CLINT1: variants seen among roughly 807,000 people sequenced by gnomAD.
The protein encoded by CLINT1 is clathrin interactor 1.
Under a neutral mutation model 70.4 loss-of-function variants are expected in CLINT1, and 15 were observed. The observed-to-expected ratio is 0.21, with a 90% CI of 0.14 to 0.33. The LOEUF (loss-of-function observed/expected upper bound fraction) is 0.33, where lower values mean the gene tolerates loss of function less well. Among genes scored for constraint, CLINT1 ranks in the 10% least tolerant of loss-of-function variants. The pLI, the probability that CLINT1 is intolerant of heterozygous loss-of-function variation, is 1.00. For missense variants in CLINT1, 615 were observed against 778.1 expected, an observed-to-expected ratio of 0.79 and a Z score of 2.49; for synonymous variants, 227 against 254.7, an observed-to-expected ratio of 0.89 and a Z score of 1.04.
rs747594174 is a variant in CLINT1 at position 157,803,695 on chromosome 5, A to C, written c.967T>G (p.Ser323Ala). The change falls in exon 8 of 12, where the codon TCT becomes GCT. Residue 323 changes from serine to alanine, a missense_variant. This residue lies in a region of CLINT1 where 374 missense variants were observed against 409.6 expected (regional missense o/e 0.91). Coordinates refer to ENST00000411809, the MANE Select transcript of CLINT1 (RefSeq NM_014666.4). ...TCAAACAGATCAACAAGGTCACCAGATGACTTGCTGCTAGGCACTGAAGTC... is the reference window on the plus strand; with the variant it reads ...TCAAACAGATCAACAAGGTCACCAGCTGACTTGCTGCTAGGCACTGAAGTC... ...VKTSVPSSKSSGDLVDLFDGT... is the reference protein window; with the variant it reads ...VKTSVPSSKSAGDLVDLFDGT... 6 of 1,559,936 alleles carry C rather than the reference A, an allele frequency of 3.8e-6. No individual in the cohort carries two copies. Among genetic ancestry groups the C allele is most frequent in the Non-Finnish European group, 5.2e-6 (6 of 1,145,496 alleles).
intron 1 of CLINT1, among the ~76,000 whole-genome samples, chr5:157,841,992 A>G (rs181138323): frequency 1.3e-4 from 20 of 152,338 alleles, no homozygotes; most frequent in Middle Eastern, 3.4e-3. Context: ...GAACTAGCCA[A>G]TAAGTAGCTC....
Position 157,816,737 on chromosome 5 carries a change from A to G in CLINT1, c.240T>C (p.Tyr80=). The G allele has an allele frequency of 1.2e-6, 2 of 1,605,610 alleles. No individual in the cohort carries two copies. The highest frequency in any genetic ancestry group is 1.7e-6 in the Non-Finnish European group (2 of 1,175,310). ...TAAAGCAGACTTGTGTCCATACCTT[A>G]TAAACTCTTCTCCAATTCTTTTTGT... ...KDNKKNWRRV[Y]KSLLLLAYLI... Residue 80 remains tyrosine (Y), a synonymous_variant, in exon 3 of 12, where the codon TAT becomes TAC. Transcript: ENST00000411809.
chr5:157,803,743 G>A (rs1282187121), intron 7 of CLINT1, 24 bp from the exon 8 acceptor site: 13 of 1,505,156 alleles, frequency 8.6e-6, no homozygotes, highest in Admixed American at 2.0e-5. Context: ...CATAACTCAG[G>A]AGCTTCGAAA....
chr5:157,841,968 T>A (rs890371781), intron 1 of CLINT1, among the ~76,000 whole-genome samples: 4 of 152,192 alleles, frequency 2.6e-5, no homozygotes, highest in Non-Finnish European at 4.4e-5. Context: ...TTGAAGAACA[T>A]TTATTTCAGA....
intron 1 of CLINT1, among the ~76,000 whole-genome samples, chr5:157,848,442 T>C (rs1264646532): frequency 1.3e-5 from 2 of 152,194 alleles, no homozygotes; most frequent in East Asian, 3.9e-4. Flanking sequence ...TCTCGCTCTG[T>C]TGCCCAGGCT....
chr5:157,813,728 T>C (rs1354731723), intron 4 of CLINT1, among the ~76,000 whole-genome samples: 3 of 152,204 alleles, frequency 2.0e-5, no homozygotes, highest in African/African-American at 7.2e-5. Context: ...ACAAGTGGGG[T>C]ACGCTACAAA....
chr5:157,801,705 T>C (rs1762227589), intron 8 of CLINT1, among the ~76,000 whole-genome samples: 1 of 152,056 alleles, frequency 6.6e-6, no homozygotes, highest in African/African-American at 2.4e-5. Flanking sequence ...TGGTGGCAGG[T>C]GACTGTAATC....
chr5:157,836,508 C>T (rs1014539370), intron 1 of CLINT1, among the ~76,000 whole-genome samples: 1 of 152,212 alleles, frequency 6.6e-6, no homozygotes, highest in Non-Finnish European at 1.5e-5. Context: ...GAGTAAGTTA[C>T]ATGGCCCTGA....
Position 157,831,059 on chromosome 5 carries a change from CAAAAA to C in CLINT1, c.42-13517_42-13513del, listed in dbSNP as rs539519712. ...ACCCTGTCTCAAAAAAACAAACAAA[CAAAAA>C]AAAGTTTAAACTTTATTGTAATCCT... is the stretch of plus-strand genomic sequence containing the variant. On this transcript the variant is annotated intron_variant, in intron 1 of 11. Transcript: ENST00000411809. 9.3e-3 allele frequency among the ~76,000 whole-genome samples: 1,370 copies of C among 147,896 alleles called. 12 individuals are homozygous for C. Among genetic ancestry groups the C allele is most frequent in the Non-Finnish European group, 0.015 (995 of 67,126 alleles).
intron 1 of CLINT1, among the ~76,000 whole-genome samples, chr5:157,819,083 T>C (rs528169303): frequency 6.6e-6 from 1 of 152,320 alleles, no homozygotes; most frequent in East Asian, 1.9e-4. Context: ...GAAGGTTTGG[T>C]TGAAATTGGC....
intron 1 of CLINT1, among the ~76,000 whole-genome samples, chr5:157,834,256 C>G (rs771798811): frequency 6.6e-6 from 1 of 152,102 alleles, no homozygotes; most frequent in Non-Finnish European, 1.5e-5. Context: ...GCCCCAGCTA[C>G]GCAGGAGGCT....
intron 1 of CLINT1, among the ~76,000 whole-genome samples, chr5:157,825,159 C>T (rs1762997337): frequency 6.6e-6 from 1 of 152,048 alleles, no homozygotes; most frequent in African/African-American, 2.4e-5. Flanking sequence ...AAAAGAGTAA[C>T]CTAGTTATTA....
chr5:157,798,921 C>T (rs1762138495), intron 8 of CLINT1, among the ~76,000 whole-genome samples: 1 of 151,830 alleles, frequency 6.6e-6, no homozygotes, highest in Non-Finnish European at 1.5e-5. Context: ...TAAAAGAATA[C>T]CAACTATCAT....
chr5:157,815,120 TACACACACACACAC>T lies in CLINT1; in HGVS notation c.244-841_244-828del, dbSNP rs150242169. Among the ~76,000 whole-genome samples, 10 of 142,196 alleles carry T rather than the reference TACACACACACACAC, an allele frequency of 7.0e-5. No homozygotes were observed. In the South Asian group the frequency reaches 9.1e-4, roughly 13 times the overall value. The allele number at this position is 142,196 out of a possible 152,430, so 93.3% of individuals were successfully genotyped here. ...TTTGCAAAATAGACATCTTCACACA[TACACACACACACAC>T]ACACACACACACACAAATAGCTGGG... On this transcript the variant is annotated intron_variant, in intron 3 of 11. Transcript: ENST00000411809.
At chr5:157,801,898 GTT>G (rs35066308) in intron 8 of CLINT1, among the ~76,000 whole-genome samples, 4 of 146,290 alleles carry the variant, frequency 2.7e-5, no homozygotes, top group Admixed American at 6.9e-5. Context: ...TTAAGTTAAA[GTT>G]TTTTTTTTTT....
chr5:157,811,545 GAAAAGA>G (rs1762559034), intron 5 of CLINT1, among the ~76,000 whole-genome samples: 4 of 144,270 alleles, frequency 2.8e-5, no homozygotes, highest in African/African-American at 1.0e-4. Context: ...AAAAAAAAAA[GAAAAGA>G]AAAAGAAAAA....
intron 1 of CLINT1, among the ~76,000 whole-genome samples, chr5:157,829,739 G>A (rs544191163): frequency 3.7e-5 from 5 of 133,694 alleles, no homozygotes; most frequent in South Asian, 2.3e-4. Context: ...ACAGGGTTTC[G>A]TCATGTTGCC....
chr5:157,842,522 T>C (rs1432072594), intron 1 of CLINT1, among the ~76,000 whole-genome samples: 2 of 152,242 alleles, frequency 1.3e-5, no homozygotes, highest in Non-Finnish European at 1.5e-5. Flanking sequence ...AATGTTATAT[T>C]TGGATATGAT....
intron 8 of CLINT1, among the ~76,000 whole-genome samples, chr5:157,797,389 G>A (rs1298462730): frequency 1.3e-5 from 2 of 151,846 alleles, no homozygotes; most frequent in Non-Finnish European, 2.9e-5. Flanking sequence ...TTTCTTTTCT[G>A]TTTTTCTTTG....
Sources: gnomAD v4.1 joint callset for allele counts (sites outside exome capture counted in the v4.1 genomes callset) on GRCh38, gnomAD v4.1.1 for gene constraint, gnomAD v4.1.1 regional missense constraint, MANE v1.5 for transcripts, NCBI Gene and HGNC (gene_info 2026-07-23, HGNC 2026-07-21) for gene names.